CWC27: variants seen among roughly 807,000 people sequenced by gnomAD.
CWC27 encodes the protein spliceosome-associated protein CWC27 homolog.
A neutral mutation model predicts 63.6 loss-of-function variants in CWC27; 47 were observed. The observed-to-expected ratio is 0.74, with a 90% confidence interval of 0.58 to 0.94. The LOEUF (loss-of-function observed/expected upper bound fraction) is 0.94, where lower values mean the gene tolerates loss of function less well. Ranked by LOEUF, CWC27 falls within the 40% of genes least tolerant of loss-of-function variation. The pLI is 0.00. For synonymous variants in CWC27, 175 were observed against 179.8 expected (o/e 0.97, Z 0.22); for missense variants, 495 against 554.3 (o/e 0.89, Z 1.07).
intron 1 of CWC27, among the ~76,000 whole-genome samples, chr5:64,772,414 G>A (rs952403353): frequency 2.0e-5 from 3 of 148,950 alleles, no homozygotes; most frequent in Non-Finnish European, 4.5e-5. Context: ...CTGAGGTCAG[G>A]AGTTCAAGAC....
intron 10 of CWC27, among the ~76,000 whole-genome samples, chr5:64,826,671 T>G (rs1242012028): frequency 1.3e-5 from 2 of 151,278 alleles, no homozygotes; most frequent in Non-Finnish European, 2.9e-5. Flanking sequence ...GGTTAATAAG[T>G]TAGTAGTAAT....
chr5:64,986,395 G>A (rs934421057), intron 13 of CWC27, among the ~76,000 whole-genome samples: 1 of 152,036 alleles, frequency 6.6e-6, no homozygotes, highest in African/African-American at 2.4e-5. Context: ...ACTTGGTCAT[G>A]GTATATAATT....
At chr5:65,017,551 C>T (rs1404359823) in intron 13 of CWC27, among the ~76,000 whole-genome samples, 2 of 152,138 alleles carry the variant, frequency 1.3e-5, no homozygotes, top group African/African-American at 2.4e-5. Context: ...TCGTTAGATT[C>T]GTTGTAATCA....
At chr5:64,970,637 T>C (rs564693389) in intron 11 of CWC27, among the ~76,000 whole-genome samples, 3 of 152,328 alleles carry the variant, frequency 2.0e-5, no homozygotes, top group South Asian at 4.1e-4. Flanking sequence ...AATGGTTCAT[T>C]TTTCCTTAAT....
At chr5:64,879,802 AT>A (rs201989640) in intron 10 of CWC27, among the ~76,000 whole-genome samples, 4,010 of 151,612 alleles carry the variant, frequency 0.026, 59 homozygotes, top group Middle Eastern at 0.045. Flanking sequence ...AAAAAAAAAA[AT>A]GGAAAAGCCA....
At chr5:64,853,505 T>C (rs763964555) in intron 10 of CWC27, among the ~76,000 whole-genome samples, 3 of 152,228 alleles carry the variant, frequency 2.0e-5, no homozygotes, top group Non-Finnish European at 4.4e-5. Flanking sequence ...TTAACCATTA[T>C]ATTAGTCCAT....
chr5:64,883,041 G>A (rs921875803), intron 10 of CWC27, among the ~76,000 whole-genome samples: 1 of 152,156 alleles, frequency 6.6e-6, no homozygotes, highest in African/African-American at 2.4e-5. Flanking sequence ...TGCATGACTG[G>A]GGAGGCCTCA....
chr5:64,865,447 G>C (rs1019765568), intron 10 of CWC27, among the ~76,000 whole-genome samples: 1 of 151,928 alleles, frequency 6.6e-6, no homozygotes, highest in African/African-American at 2.4e-5. Context: ...GGAAAGAAAG[G>C]ATATTCATGA....
At chr5:64,966,999 C>CT (rs972070180) in intron 11 of CWC27, among the ~76,000 whole-genome samples, 10 of 151,164 alleles carry the variant, frequency 6.6e-5, no homozygotes, top group South Asian at 2.1e-4. Context: ...CACATATCTT[C>CT]TTTTTTTTTA....
At chr5:64,938,578 A>G (rs1403852055) in intron 11 of CWC27, among the ~76,000 whole-genome samples, 2 of 151,862 alleles carry the variant, frequency 1.3e-5, no homozygotes, top group Non-Finnish European at 2.9e-5. Flanking sequence ...TGACAATTAT[A>G]TGTCTTGGGG....
chr5:65,003,846 CTTT>C (rs67780986), intron 13 of CWC27, among the ~76,000 whole-genome samples: 5 of 139,614 alleles, frequency 3.6e-5, no homozygotes, highest in Non-Finnish European at 6.2e-5. Flanking sequence ...TTTTATTTGA[CTTT>C]TTTTTTTTTT....
chr5:64,958,273 T>A (rs1748839341), intron 11 of CWC27, among the ~76,000 whole-genome samples: 1 of 152,194 alleles, frequency 6.6e-6, no homozygotes, highest in Admixed American at 6.5e-5. Flanking sequence ...ATATGTGCAG[T>A]GAGAACGTGC....
intron 1 of CWC27, among the ~76,000 whole-genome samples, chr5:64,772,246 G>A (rs971126002): frequency 1.3e-5 from 2 of 152,160 alleles, no homozygotes; most frequent in Non-Finnish European, 2.9e-5. Flanking sequence ...TTCAGTGGGT[G>A]TGCAAAACCA....
chr5:64,889,683 T>A (rs1278678163), intron 11 of CWC27, among the ~76,000 whole-genome samples: 1 of 152,224 alleles, frequency 6.6e-6, no homozygotes, highest in Non-Finnish European at 1.5e-5. Flanking sequence ...CCCAGCACTT[T>A]GGGATTGAAT....
At chr5:64,826,363 G>A in intron 10 of CWC27, among the ~76,000 whole-genome samples, 1 of 152,048 alleles carries the variant, frequency 6.6e-6, no homozygotes, top group East Asian at 1.9e-4. Flanking sequence ...GACATATTCT[G>A]TATGATTTCA....
chr5:64,961,127 G>C (rs2112433673), intron 11 of CWC27, among the ~76,000 whole-genome samples: 1 of 152,298 alleles, frequency 6.6e-6, no homozygotes, highest in East Asian at 1.9e-4. Flanking sequence ...AGCTCCTAGG[G>C]AAAGGATAAG....
Position 64,881,764 on chromosome 5 carries a change from A to G in CWC27, c.939-3679A>G, listed in dbSNP as rs567487558. Among the ~76,000 whole-genome samples, 22 of 152,280 alleles carry G rather than the reference A, an allele frequency of 1.4e-4. No individual in the cohort carries two copies. The South Asian group carries it at 3.7e-3, about 26-fold the overall frequency. On this transcript the variant is annotated intron_variant, in intron 10 of 13. Transcript: ENST00000381070. ...TCTACAATAGTATCGTAAACAGTCTATACTTTCTTTGCCTCATTCTTTGTG... is the reference window on the plus strand; with the variant it reads ...TCTACAATAGTATCGTAAACAGTCTGTACTTTCTTTGCCTCATTCTTTGTG...
At chr5:64,953,735 G>A (rs1748752602) in intron 11 of CWC27, among the ~76,000 whole-genome samples, 1 of 152,086 alleles carries the variant, frequency 6.6e-6, no homozygotes, top group African/African-American at 2.4e-5. Context: ...TTGTAATACA[G>A]AGTTCAGGGA....
intron 11 of CWC27, among the ~76,000 whole-genome samples, chr5:64,921,218 G>A (rs1419902770): frequency 1.3e-5 from 2 of 152,110 alleles, no homozygotes; most frequent in African/African-American, 4.8e-5. Context: ...AGAGCAAGTT[G>A]TTTAATTTCC....
Sources: gnomAD v4.1 joint callset for allele counts (sites outside exome capture counted in the v4.1 genomes callset) on GRCh38, gnomAD v4.1.1 for gene constraint, MANE v1.5 for transcripts, NCBI Gene and HGNC (gene_info 2026-07-23, HGNC 2026-07-21) for gene names.